The following RASGRP4 variants were observed in gnomAD, a reference collection of about 807,000 sequenced individuals.
The protein encoded by RASGRP4 is RAS guanyl releasing protein 4.
A neutral mutation model predicts 84.4 loss-of-function variants in RASGRP4; 52 were observed. That is an observed-to-expected ratio of 0.62 (90% confidence interval 0.49 to 0.78). The LOEUF is 0.78. Among genes scored for constraint, RASGRP4 ranks in the 30% least tolerant of loss-of-function variants. The pLI is 0.00. For synonymous variants in RASGRP4, 356 were observed against 359.1 expected (o/e 0.99, Z 0.10); for missense variants, 760 against 886.9 (o/e 0.86, Z 1.82).
rs150508148 is a variant in RASGRP4, at chr19:38,409,811, C to A, written c.*229G>T. The A allele has an allele frequency of 6.3e-4, 298 of 472,740 alleles. 4 individuals carry two copies. The highest frequency in any genetic ancestry group is 3.4e-3 in the South Asian group (116 of 34,494). 29.3% of individuals were successfully genotyped at this position (472,740 alleles called of 1,614,324 possible). ...AGTCTAAATGTATCCAACACACAGC[C>A]GCACAGATACTAAGTGCAGGGAAAG... On this transcript the variant is annotated 3_prime_UTR_variant, in exon 17 of 17. Transcript: ENST00000615439.
intron 2 of RASGRP4, 89 bp from the exon 3 acceptor site, chr19:38,421,289 A>G: frequency 1.1e-6 from 1 of 938,670 alleles, no homozygotes. Flanking sequence ...ACCTGGTTCA[A>G]AGACCAGCTC....
Position 38,409,381 on chromosome 19 carries a change from A to G in RASGRP4, c.*659T>C, listed in dbSNP as rs560002479. Reference sequence around the variant, plus strand: ...CTGGAGTTGATGCTCCTGTTGAGGAAAGACAGACGTTCAACGAGATAAAGA... The same window carrying G: ...CTGGAGTTGATGCTCCTGTTGAGGAGAGACAGACGTTCAACGAGATAAAGA... On this transcript the variant is annotated 3_prime_UTR_variant, in exon 17 of 17. Transcript: ENST00000615439. The G allele has an allele frequency of 6.6e-6, 1 of 152,526 alleles. No homozygotes were observed. Among genetic ancestry groups the G allele is most frequent in the Non-Finnish European group, 1.5e-5 (1 of 68,454 alleles). The allele number at this position is 152,526 out of a possible 1,614,324, so 9.4% of individuals were successfully genotyped here.
At position 38,426,180 on chromosome 19, in the gene RASGRP4, T is replaced by A. The variant is rs929869293; in HGVS notation, c.-89A>T. 8 of 1,123,070 alleles carry A rather than the reference T, an allele frequency of 7.1e-6. No homozygotes were observed. In the African/African-American group the frequency reaches 1.3e-4, roughly 18 times the overall value. The allele number at this position is 1,123,070 out of a possible 1,614,324, so 69.6% of individuals were successfully genotyped here. On this transcript the variant is annotated 5_prime_UTR_variant, in exon 1 of 17. Transcript: ENST00000615439. ...CCCAGGACTCCAGCTTCTCAGCCCC[T>A]AGGGAGCTGGGGCCTCCTCGGTGCT...
rs1242603917 is a variant in RASGRP4, at chr19:38,418,201, C to A, written c.837+190G>T. ...AGGGGTGGGGCCACGGTGGGTGCGACGCGGTGACATCAAGGCCAAAGAAGA... is the reference window on the plus strand; with the variant it reads ...AGGGGTGGGGCCACGGTGGGTGCGAAGCGGTGACATCAAGGCCAAAGAAGA... On this transcript the variant is annotated intron_variant, in intron 7 of 16. Transcript: ENST00000615439. This position sits in a 1 kb window ranked among gnomAD's most constrained non-coding sequence, Gnocchi z 4.6. Among the ~76,000 whole-genome samples the A allele has an allele frequency of 6.6e-6, 1 of 151,866 alleles. No homozygotes were observed. The highest frequency in any genetic ancestry group is 1.5e-5 in the Non-Finnish European group (1 of 67,974).
chr19:38,414,159 A>G (rs929725041), intron 9 of RASGRP4, among the ~76,000 whole-genome samples: 1 of 152,130 alleles, frequency 6.6e-6, no homozygotes, highest in African/African-American at 2.4e-5. Flanking sequence ...CAAACTCCTC[A>G]GGCAATCCGC....
chr19:38,412,911 C>T lies in RASGRP4; in HGVS notation c.1535+20G>A, dbSNP rs765173025. The T allele has an allele frequency of 1.9e-6, 3 of 1,613,774 alleles. No homozygotes were observed. Among genetic ancestry groups the T allele is most frequent in the South Asian group, 2.2e-5 (2 of 91,066 alleles). Reference sequence around the variant, plus strand: ...CCAGTGTCCTCATCTTCGGAGGATCCAGGAGTCACAACCACTTACCCCTGG... The same window carrying T: ...CCAGTGTCCTCATCTTCGGAGGATCTAGGAGTCACAACCACTTACCCCTGG... On this transcript the variant is annotated intron_variant, in intron 12 of 16. Coordinates refer to ENST00000615439, the MANE Select transcript of RASGRP4 (RefSeq NM_170604.3). This position sits in a 1 kb window ranked among gnomAD's most constrained non-coding sequence, Gnocchi z 4.6.
Position 38,420,144 on chromosome 19 carries a change from C to G in RASGRP4, c.496G>C (p.Asp166His). ...GGGCTGACTCACAGGTCAGAAGAGT[C>G]TCCCAGTCTTCTCTGGGCTGAGTTG... The part of the protein sequence containing the change: ...EGNSAQRRLG[D>H]SSDLLSPGGP... Residue 166 changes from aspartate to histidine, a missense_variant, in exon 5 of 17, where the codon GAC becomes CAC. Asp to His is a moderately conservative substitution (Grantham distance 81, BLOSUM62 -1). Coordinates refer to ENST00000615439, the MANE Select transcript of RASGRP4 (RefSeq NM_170604.3). 1 of 1,613,062 alleles carries G rather than the reference C, an allele frequency of 6.2e-7. No homozygotes were observed. Among genetic ancestry groups the G allele is most frequent in the Non-Finnish European group, 8.5e-7 (1 of 1,179,454 alleles).
intron 2 of RASGRP4, 123 bp from the exon 3 acceptor site, chr19:38,421,323 T>C: frequency 1.4e-6 from 1 of 701,426 alleles, no homozygotes. Context: ...CAGCATGACC[T>C]TGGACAGGCA....
chr19:38,425,966 A>G, intron 1 of RASGRP4, 103 bp downstream of exon 1: 1 of 1,020,674 alleles, frequency 9.8e-7, no homozygotes, highest in South Asian at 3.0e-5. Context: ...CTGATCCCAA[A>G]GAAGTCAGGA....
rs373183766 is a variant in RASGRP4 at position 38,410,012 on chromosome 19, G to A, written c.*28C>T. Reference sequence around the variant, plus strand: ...ACTCAGGACTGACTGGGGGAAGGGAGTGAGGAAGAGAGGAGACCAAGAGAT... The same window carrying A: ...ACTCAGGACTGACTGGGGGAAGGGAATGAGGAAGAGAGGAGACCAAGAGAT... On this transcript the variant is annotated 3_prime_UTR_variant, in exon 17 of 17. Coordinates refer to ENST00000615439, the MANE Select transcript of RASGRP4 (RefSeq NM_170604.3). 3.8e-6 allele frequency: 6 copies of A among 1,594,906 alleles called. No homozygotes were observed. Among genetic ancestry groups the A allele is most frequent in the Non-Finnish European group, 5.1e-6 (6 of 1,166,582 alleles).
At position 38,419,898 on chromosome 19, in the gene RASGRP4, G is replaced by C; in HGVS notation, c.625C>G (p.Leu209Val). ...HLETGELAQH[L>V]TYLEFRSFQA... The stretch of plus-strand genomic sequence containing the variant: ...AAGGACCGGAACTCCAGGTAGGTGA[G>C]GTGCTGAGCCAGCTCCCCCGTCTCC... The change falls in exon 6 of 17, where the codon CTC becomes GTC. Residue 209 changes from leucine (L) to valine (V), a missense_variant. By Grantham distance (32) the Leu-to-Val change is conservative (BLOSUM62 1). Transcript: ENST00000615439. 3.1e-6 allele frequency: 5 copies of C among 1,609,042 alleles called. No individual in the cohort carries two copies. Among genetic ancestry groups the C allele is most frequent in the Non-Finnish European group, 4.2e-6 (5 of 1,177,766 alleles).
chr19:38,409,866 A>T lies in RASGRP4; in HGVS notation c.*174T>A. On this transcript the variant is annotated 3_prime_UTR_variant, in exon 17 of 17. Coordinates refer to ENST00000615439, the MANE Select transcript of RASGRP4 (RefSeq NM_170604.3). ...CAGGATTAGCATCCACCAGGATGCA[A>T]AAGAGGAAAGTCACTTCCAGGGAAA... is the stretch of plus-strand genomic sequence containing the variant. 1 of 556,704 alleles carries T rather than the reference A, an allele frequency of 1.8e-6. No homozygotes were observed. Among genetic ancestry groups the T allele is most frequent in the Non-Finnish European group, 3.2e-6 (1 of 308,942 alleles). 34.5% of individuals were successfully genotyped at this position (556,704 alleles called of 1,614,324 possible).
intron 4 of RASGRP4, 80 bp downstream of exon 4, chr19:38,420,827 AT>A: frequency 7.0e-7 from 1 of 1,419,594 alleles, no homozygotes; most frequent in Non-Finnish European, 1.0e-6. Flanking sequence ...TGGCCTGGGG[AT>A]TCTCTGAGGA....
chr19:38,411,481 T>G, intron 13 of RASGRP4, 100 bp from the exon 14 acceptor site: 1 of 1,169,960 alleles, frequency 8.5e-7, no homozygotes, highest in East Asian at 2.6e-5. Flanking sequence ...TACCCAGGTT[T>G]TGAAATTCTC....
chr19:38,418,330 A>C lies in RASGRP4; in HGVS notation c.837+61T>G, dbSNP rs372515683. On this transcript the variant is annotated intron_variant, in intron 7 of 16. Transcript: ENST00000615439. The surrounding 1 kb of genome is among the most constrained non-coding windows in gnomAD (Gnocchi z 4.6). ...TGACCCTGTGGGGTCGAGGGTCTGG[A>C]AGGGGAAGGACCAGGTGGCTGCGTG... 101 of 1,529,426 alleles carry C rather than the reference A, an allele frequency of 6.6e-5. 4 individuals are homozygous for C. The East Asian group carries it at 8.9e-4, about 13-fold the overall frequency. The allele number at this position is 1,529,426 out of a possible 1,614,324, so 94.7% of individuals were successfully genotyped here.
chr19:38,423,527 AAATAAT>A (rs537856045), intron 1 of RASGRP4, among the ~76,000 whole-genome samples: 12 of 149,816 alleles, frequency 8.0e-5, no homozygotes, highest in Non-Finnish European at 1.6e-4. Context: ...TCTGTTTCAA[AAATAAT>A]AATAAAAAAA....
intron 16 of RASGRP4, 122 bp from the exon 17 acceptor site, chr19:38,410,218 C>T: frequency 1.5e-6 from 1 of 683,542 alleles, no homozygotes; most frequent in Non-Finnish European, 2.4e-6. Context: ...AATGAACGTC[C>T]CCTGTGGAAT....
At chr19:38,411,459 A>G in intron 13 of RASGRP4, 78 bp from the exon 14 acceptor site, 2 of 1,325,330 alleles carry the variant, frequency 1.5e-6, no homozygotes, top group Non-Finnish European at 2.0e-6. Context: ...TGGGGAGTGG[A>G]AGTGTGGAAG....
chr19:38,418,340 A>C lies in RASGRP4; in HGVS notation c.837+51T>G. The C allele has an allele frequency of 6.4e-7, 1 of 1,553,968 alleles. No homozygotes were observed. The highest frequency in any genetic ancestry group is 8.7e-7 in the Non-Finnish European group (1 of 1,144,916). Reference sequence around the variant, plus strand: ...GGGTCGAGGGTCTGGAAGGGGAAGGACCAGGTGGCTGCGTGCAGTGGAGTT... The same window carrying C: ...GGGTCGAGGGTCTGGAAGGGGAAGGCCCAGGTGGCTGCGTGCAGTGGAGTT... On this transcript the variant is annotated intron_variant, in intron 7 of 16. Coordinates refer to ENST00000615439, the MANE Select transcript of RASGRP4 (RefSeq NM_170604.3). The surrounding 1 kb of genome is among the most constrained non-coding windows in gnomAD (Gnocchi z 4.6).
Sources: gnomAD v4.1 joint callset for allele counts (sites outside exome capture counted in the v4.1 genomes callset) on GRCh38, gnomAD v4.1.1 for gene constraint, Gnocchi (gnomAD v3.1) non-coding constraint, MANE v1.5 for transcripts, NCBI Gene and HGNC (gene_info 2026-07-23, HGNC 2026-07-21) for gene names.